The following FNIP1 variants were observed in gnomAD, a reference collection of about 807,000 sequenced individuals.
The protein encoded by FNIP1 is folliculin-interacting protein 1.
Under a neutral mutation model 124.5 loss-of-function variants are expected in FNIP1, and 40 were observed. The ratio of observed to expected loss-of-function variants is 0.32; its 90% CI spans 0.25 to 0.42. The LOEUF is 0.42. Ranked by LOEUF, FNIP1 falls within the 10% of genes least tolerant of loss-of-function variation. The pLI is 1.00. For missense variants in FNIP1, 1,176 were observed against 1,403.7 expected (o/e 0.84, Z 2.59); for synonymous variants, 472 against 470.6 (o/e 1.00, Z -0.04).
At position 131,671,664 on chromosome 5, in the gene FNIP1, A is replaced by C; in HGVS notation, c.2780T>G (p.Val927Gly). 1.2e-6 allele frequency: 2 copies of C among 1,614,154 alleles called. No homozygotes were observed. Among genetic ancestry groups the C allele is most frequent in the Non-Finnish European group, 1.7e-6 (2 of 1,180,020 alleles). ...DKESSDKKIA[V>G]GTEWDIPRNE... is the part of the protein sequence containing the mutation. ...TCTTGGAATGTCCCATTCAGTTCCT[A>C]CAGCAATTTTTTTATCTGAACTCTC... The change falls in exon 14 of 18, where the codon GTA becomes GGA. Residue 927 changes from valine to glycine, a missense_variant. Around this residue, in one of 2 missense-constraint regions of FNIP1, gnomAD observed 1,109 missense variants for 1,288.5 expected, o/e 0.86. Coordinates refer to ENST00000510461, the MANE Select transcript of FNIP1 (RefSeq NM_133372.3).
At chr5:131,756,424 G>A (rs187132229) in intron 1 of FNIP1, among the ~76,000 whole-genome samples, 6 of 152,146 alleles carry the variant, frequency 3.9e-5, no homozygotes, top group Admixed American at 2.0e-4. Context: ...AAGGAAAAAC[G>A]TGTATGTGTA....
At chr5:131,707,400 C>G (rs1397231238) in intron 8 of FNIP1, among the ~76,000 whole-genome samples, 1 of 152,212 alleles carries the variant, frequency 6.6e-6, no homozygotes, top group East Asian at 1.9e-4. Context: ...AACAGGGAAC[C>G]ATTATCATCA....
intron 1 of FNIP1, chr5:131,796,298 C>T (rs1475987148): frequency 6.5e-6 from 1 of 153,862 alleles, no homozygotes; most frequent in East Asian, 1.9e-4. Context: ...GTCCAAGAAA[C>T]CTGAAAGAAC....
At chr5:131,724,762 T>G (rs1373228128) in intron 3 of FNIP1, among the ~76,000 whole-genome samples, 1 of 152,226 alleles carries the variant, frequency 6.6e-6, no homozygotes, top group East Asian at 1.9e-4. Context: ...GTTTTAGTCA[T>G]AAAGTCTTTG....
At chr5:131,788,640 G>A (rs1421879814) in intron 1 of FNIP1, among the ~76,000 whole-genome samples, 9 of 149,170 alleles carry the variant, frequency 6.0e-5, no homozygotes, top group Non-Finnish European at 1.5e-5. Flanking sequence ...GGCAGAGGTT[G>A]CAGTGAGCCG....
Position 131,796,846 on chromosome 5 carries a change from G to C in FNIP1, c.76C>G (p.Pro26Ala). Residue 26 changes from proline (P) to alanine (A), a missense_variant, in exon 1 of 18, where the codon CCA becomes GCA. Physicochemically the swap from Pro to Ala is conservative, Grantham distance 27. This residue lies in a region of FNIP1 where 1,109 missense variants were observed against 1,288.5 expected (regional missense o/e 0.86). Coordinates refer to ENST00000510461, the MANE Select transcript of FNIP1 (RefSeq NM_133372.3). ...LGAPGRDARD[P>A]DCGFSWPLPE... ...GCGCCCTACCTGAACCCGCAATCTG[G>C]GTCCCGGGCGTCGCGGCCGGGCGCG... 3 of 1,598,170 alleles carry C rather than the reference G, an allele frequency of 1.9e-6. No individual in the cohort carries two copies.
chr5:131,748,514 A>C (rs1770759988), intron 1 of FNIP1, among the ~76,000 whole-genome samples: 1 of 152,058 alleles, frequency 6.6e-6, no homozygotes, highest in South Asian at 2.1e-4. Context: ...TAACATGGTG[A>C]AACCCTGTCT....
At chr5:131,696,590 C>T (rs536872378) in intron 11 of FNIP1, among the ~76,000 whole-genome samples, 1 of 151,796 alleles carries the variant, frequency 6.6e-6, no homozygotes, top group South Asian at 2.1e-4. Flanking sequence ...CTAAATCTAA[C>T]GTTATAGATA....
At chr5:131,736,649 G>A (rs1012838335) in intron 2 of FNIP1, among the ~76,000 whole-genome samples, 1 of 152,190 alleles carries the variant, frequency 6.6e-6, no homozygotes, top group African/African-American at 2.4e-5. Context: ...ATTGTGAACT[G>A]TGCATGGGAG....
chr5:131,746,345 G>GT (rs1770681003), intron 1 of FNIP1, among the ~76,000 whole-genome samples: 2 of 152,228 alleles, frequency 1.3e-5, no homozygotes, highest in South Asian at 4.1e-4. Context: ...TGATGCTGAG[G>GT]TTTAGGGTAC....
chr5:131,744,579 CTCA>C lies in FNIP1; in HGVS notation c.201_203del (p.Asn67_Glu68delinsLys), dbSNP rs1561685959. 9 of 1,604,846 alleles carry C rather than the reference CTCA, an allele frequency of 5.6e-6. No homozygotes were observed. Among genetic ancestry groups the C allele is most frequent in the Non-Finnish European group, 7.7e-6 (9 of 1,175,386 alleles). ...TGATGCTCACCGATACTGATATGTCCTCATTTCTTCTCTTAACACTGGAGTCAA... is the reference window on the plus strand; with the variant it reads ...TGATGCTCACCGATACTGATATGTCCTTTCTTCTCTTAACACTGGAGTCAA... On this transcript the variant is annotated inframe_deletion, in exon 2 of 18. Transcript: ENST00000510461.
chr5:131,733,598 T>G (rs529470505), intron 2 of FNIP1, among the ~76,000 whole-genome samples: 2 of 152,340 alleles, frequency 1.3e-5, no homozygotes, highest in South Asian at 2.1e-4. Flanking sequence ...ACGTGGTTTT[T>G]GTCTTTGGTT....
intron 1 of FNIP1, among the ~76,000 whole-genome samples, chr5:131,765,775 G>C (rs1213488900): frequency 1.3e-5 from 2 of 151,988 alleles, no homozygotes; most frequent in African/African-American, 2.4e-5. Flanking sequence ...TTTCATCCTT[G>C]ACCTTCATGA....
At chr5:131,741,957 T>C (rs530888770) in intron 2 of FNIP1, among the ~76,000 whole-genome samples, 1 of 152,316 alleles carries the variant, frequency 6.6e-6, no homozygotes, top group South Asian at 2.1e-4. Flanking sequence ...GAGGGAGGAC[T>C]GCGTGATCCC....
chr5:131,715,134 C>A (rs1412262528), intron 6 of FNIP1, among the ~76,000 whole-genome samples: 1 of 152,206 alleles, frequency 6.6e-6, no homozygotes. Flanking sequence ...ACAAGTATAT[C>A]TAACCTCTAT....
chr5:131,670,692 A>T, intron 14 of FNIP1, 61 bp from the exon 15 acceptor site: 31 of 1,271,836 alleles, frequency 2.4e-5, no homozygotes, highest in Non-Finnish European at 3.3e-5. Flanking sequence ...AACCAGTAAA[A>T]AAAAAAAAAA....
intron 6 of FNIP1, among the ~76,000 whole-genome samples, chr5:131,711,076 A>C (rs1035690384): frequency 6.6e-5 from 10 of 152,240 alleles, no homozygotes; most frequent in Admixed American, 4.6e-4. Context: ...GTATGTGCCT[A>C]CAACTGCAGC....
intron 1 of FNIP1, among the ~76,000 whole-genome samples, chr5:131,757,993 G>C (rs1055096528): frequency 6.6e-6 from 1 of 152,156 alleles, no homozygotes; most frequent in Non-Finnish European, 1.5e-5. Flanking sequence ...CCCTGAAATG[G>C]TGAAGTGTTA....
At chr5:131,716,456 G>T in intron 6 of FNIP1, 109 bp downstream of exon 6, 1 of 636,286 alleles carries the variant, frequency 1.6e-6, no homozygotes, top group Non-Finnish European at 2.6e-6. Context: ...TACAGTATTT[G>T]AAATTCTTTG....
Sources: gnomAD v4.1 joint callset for allele counts (sites outside exome capture counted in the v4.1 genomes callset) on GRCh38, gnomAD v4.1.1 for gene constraint, gnomAD v4.1.1 regional missense constraint, MANE v1.5 for transcripts, NCBI Gene and HGNC (gene_info 2026-07-23, HGNC 2026-07-21) for gene names.